PXDNL: variants seen among roughly 807,000 people sequenced by gnomAD.
The protein encoded by PXDNL is probable oxidoreductase PXDNL.
A neutral mutation model predicts 150.8 loss-of-function variants in PXDNL; 145 were observed. That is an observed-to-expected ratio of 0.96 (90% CI 0.84 to 1.10). PXDNL has a LOEUF of 1.10. Among genes scored for constraint, PXDNL ranks in the 50% least tolerant of loss-of-function variants. The pLI, the probability that PXDNL is intolerant of heterozygous loss-of-function variation, is 0.00. For missense variants in PXDNL, 2,087 were observed against 1,873.9 expected (o/e 1.11, Z -2.10); for synonymous variants, 757 against 725.7 (o/e 1.04, Z -0.69).
intron 1 of PXDNL, among the ~76,000 whole-genome samples, chr8:51,760,360 TA>T (rs111940442): frequency 3.0e-3 from 432 of 142,274 alleles, no homozygotes; most frequent in South Asian, 7.4e-3. Flanking sequence ...TAGGCTTAAT[TA>T]AAAAAAAAAA....
At chr8:51,665,344 T>C (rs1250278050) in intron 1 of PXDNL, among the ~76,000 whole-genome samples, 2 of 152,152 alleles carry the variant, frequency 1.3e-5, no homozygotes, top group Non-Finnish European at 2.9e-5. Flanking sequence ...ATAAGCATAA[T>C]GATGCTCAGT....
At position 51,545,018 on chromosome 8, in the gene PXDNL, T is replaced by C. The variant is rs905233523; in HGVS notation, c.380+11822A>G. On this transcript the variant is annotated intron_variant, in intron 4 of 22. Coordinates refer to ENST00000356297, the MANE Select transcript of PXDNL (RefSeq NM_144651.5). ...TTAAAATTATGATAAATTTTAAGGA[T>C]TATAGATTACATGTTTGGAAACCAA... 1.2e-4 allele frequency among the ~76,000 whole-genome samples: 19 copies of C among 152,284 alleles called. 1 individual carries two copies. The highest frequency in any genetic ancestry group is 2.2e-4 in the African/African-American group (9 of 41,566).
At chr8:51,667,360 T>C (rs1815406832) in intron 1 of PXDNL, among the ~76,000 whole-genome samples, 1 of 152,192 alleles carries the variant, frequency 6.6e-6, no homozygotes, top group Admixed American at 6.5e-5. Flanking sequence ...AAATCTACCT[T>C]TTCCAAAAAC....
intron 2 of PXDNL, among the ~76,000 whole-genome samples, chr8:51,595,700 G>T (rs950832581): frequency 6.6e-6 from 1 of 152,026 alleles, no homozygotes; most frequent in Non-Finnish European, 1.5e-5. Flanking sequence ...GGAGTGATTT[G>T]CATAGTCACC....
intron 1 of PXDNL, among the ~76,000 whole-genome samples, chr8:51,735,526 G>GTTTTTTT (rs777986365): frequency 4.9e-5 from 2 of 41,106 alleles, no homozygotes; most frequent in Non-Finnish European, 8.9e-5. Context: ...ATTAAAAATT[G>GTTTTTTT]TTTTTTTTTT....
chr8:51,633,437 G>T (rs1485444092), intron 2 of PXDNL, among the ~76,000 whole-genome samples: 1 of 152,026 alleles, frequency 6.6e-6, no homozygotes, highest in Non-Finnish European at 1.5e-5. Context: ...TGGGTCGAAT[G>T]GTAGTTTAAG....
intron 3 of PXDNL, among the ~76,000 whole-genome samples, chr8:51,567,244 A>G (rs1440016421): frequency 6.6e-6 from 1 of 151,518 alleles, no homozygotes; most frequent in Non-Finnish European, 1.5e-5. Context: ...AAGACTGTGT[A>G]TTTCTGTTGT....
At chr8:51,550,546 G>A (rs1812456839) in intron 4 of PXDNL, among the ~76,000 whole-genome samples, 1 of 152,090 alleles carries the variant, frequency 6.6e-6, no homozygotes, top group Non-Finnish European at 1.5e-5. Context: ...GTCAATAAAT[G>A]TGATACACCA....
intron 4 of PXDNL, among the ~76,000 whole-genome samples, chr8:51,522,413 G>T (rs371143903): frequency 6.6e-6 from 1 of 152,168 alleles, no homozygotes; most frequent in South Asian, 2.1e-4. Context: ...AGGCAGACTG[G>T]CACGCTGAGC....
At chr8:51,326,549 G>A (rs943949420) in intron 21 of PXDNL, among the ~76,000 whole-genome samples, 4 of 151,940 alleles carry the variant, frequency 2.6e-5, no homozygotes, top group Non-Finnish European at 4.4e-5. Context: ...ACATCTACTC[G>A]GCCTTCCCAG....
At chr8:51,465,473 C>T (rs1810184947) in intron 8 of PXDNL, among the ~76,000 whole-genome samples, 1 of 152,124 alleles carries the variant, frequency 6.6e-6, no homozygotes, top group Admixed American at 6.5e-5. Flanking sequence ...AAGCTGGAAG[C>T]ATTCCCCTTG....
intron 4 of PXDNL, among the ~76,000 whole-genome samples, chr8:51,505,773 A>G (rs1811272482): frequency 6.6e-6 from 1 of 152,244 alleles, no homozygotes; most frequent in East Asian, 1.9e-4. Flanking sequence ...GCTCAGAGGA[A>G]AAGCAGTTTG....
intron 1 of PXDNL, among the ~76,000 whole-genome samples, chr8:51,744,952 GA>G (rs1220277184): frequency 2.5e-5 from 1 of 39,302 alleles, no homozygotes; most frequent in African/African-American, 6.4e-5. Context: ...AAGAAAGAAA[GA>G]AAGAAAGAAA....
At chr8:51,597,714 T>G (rs1297200778) in intron 2 of PXDNL, among the ~76,000 whole-genome samples, 24 of 150,490 alleles carry the variant, frequency 1.6e-4, no homozygotes, top group Admixed American at 1.3e-3. Context: ...GATTGCATTT[T>G]TTTTCTTTTT....
At chr8:51,492,884 T>G (rs6473611) in intron 5 of PXDNL, among the ~76,000 whole-genome samples, 145,942 of 152,254 alleles carry the variant, frequency 0.96, 70,260 homozygotes, top group East Asian at 1. Flanking sequence ...AAAGGCAGCA[T>G]AATCCTCTGC....
intron 4 of PXDNL, among the ~76,000 whole-genome samples, chr8:51,553,146 G>A (rs1475400035): frequency 6.6e-6 from 1 of 152,252 alleles, no homozygotes; most frequent in Non-Finnish European, 1.5e-5. Flanking sequence ...TGGACAAGGT[G>A]GGGTAGGGGT....
At chr8:51,618,060 C>T (rs1436627272) in intron 2 of PXDNL, among the ~76,000 whole-genome samples, 2 of 152,218 alleles carry the variant, frequency 1.3e-5, no homozygotes, top group Non-Finnish European at 2.9e-5. Flanking sequence ...TGCCAAGTTG[C>T]AGCTCCCTGG....
intron 2 of PXDNL, among the ~76,000 whole-genome samples, chr8:51,648,409 GAT>G (rs1190544569): frequency 6.6e-6 from 1 of 152,198 alleles, no homozygotes; most frequent in Admixed American, 6.5e-5. Flanking sequence ...CTTAGTGAGA[GAT>G]AGAGGCAGAG....
In PXDNL at chr8:51,326,991, G is replaced by A. The variant is rs147173187; in HGVS notation, c.4147-6094C>T. ...GATTGGCACACAGGGATAATCCCAT[G>A]TGAACAAAAAGACAGAGATCTACAA... On this transcript the variant is annotated intron_variant, in intron 21 of 22. Coordinates refer to ENST00000356297, the MANE Select transcript of PXDNL (RefSeq NM_144651.5). Among the ~76,000 whole-genome samples, 73 of 145,096 alleles carry A rather than the reference G, an allele frequency of 5.0e-4. No homozygotes were observed. In the East Asian group the frequency reaches 5.8e-3, roughly 12 times the overall value.
Sources: allele counts gnomAD v4.1 joint callset (sites outside exome capture counted in the v4.1 genomes callset), GRCh38; gene constraint gnomAD v4.1.1; transcripts MANE v1.5; gene names NCBI Gene and HGNC (gene_info 2026-07-23, HGNC 2026-07-21).